The following ABR variants were observed in gnomAD, a reference collection of about 807,000 sequenced individuals.
The protein encoded by ABR is active breakpoint cluster region-related protein.
A neutral mutation model predicts 107.2 loss-of-function variants in ABR; 35 were observed. The ratio of observed to expected loss-of-function variants is 0.33; its 90% CI spans 0.25 to 0.43. The LOEUF (loss-of-function observed/expected upper bound fraction) is 0.43, where lower values mean the gene tolerates loss of function less well. Among genes scored for constraint, ABR ranks in the 20% least tolerant of loss-of-function variants. ABR has a pLI of 1.00. For synonymous variants in ABR, 498 were observed against 462.0 expected (o/e 1.08, Z -1.00); for missense variants, 815 against 1,115.2 (o/e 0.73, Z 3.83).
upstream of ABR, among the ~76,000 whole-genome samples, chr17:1,189,946 G>C (rs2042396272): frequency 6.6e-6 from 1 of 152,188 alleles, no homozygotes; most frequent in Non-Finnish European, 1.5e-5. Flanking sequence ...TGGTCACAAA[G>C]AGCCTGGAAT....
At chr17:1,016,591 C>T (rs2071184496) in intron 16 of ABR, among the ~76,000 whole-genome samples, 1 of 152,030 alleles carries the variant, frequency 6.6e-6, no homozygotes, top group Non-Finnish European at 1.5e-5. Context: ...GCTGGGATTA[C>T]AGGTGTGACC....
rs761017655 is a variant in ABR at position 1,050,486 on chromosome 17, C to T, written c.1659+51G>A. On this transcript the variant is annotated intron_variant, in intron 15 of 22. Coordinates refer to ENST00000302538, the MANE Select transcript of ABR (RefSeq NM_021962.5). This position sits in a 1 kb window ranked among gnomAD's most constrained non-coding sequence, Gnocchi z 4.6. ...CTGGCCGTCCCCAGCAGACAAGCCACGAGCACGGGGTGGTGGGGTCCCCAC... is the reference window on the plus strand; with the variant it reads ...CTGGCCGTCCCCAGCAGACAAGCCATGAGCACGGGGTGGTGGGGTCCCCAC... The T allele has an allele frequency of 1.4e-5, 22 of 1,536,336 alleles. No individual in the cohort carries two copies. The highest frequency in any genetic ancestry group is 9.0e-5 in the East Asian group (4 of 44,466).
At chr17:1,215,219 C>CA (rs71148449) in intron 1 of ABR, among the ~76,000 whole-genome samples, 10 of 135,876 alleles carry the variant, frequency 7.4e-5, no homozygotes, top group East Asian at 4.3e-4. Context: ...GACTCTGTCT[C>CA]AAAAAAAAAA....
intron 21 of ABR, 147 bp from the exon 22 acceptor site, chr17:1,007,459 C>CAGA: frequency 1.1e-6 from 1 of 950,220 alleles, no homozygotes; most frequent in Non-Finnish European, 1.5e-6. Flanking sequence ...GGACCTCCCC[C>CAGA]GGGGGAAGGG....
intron 1 of ABR, among the ~76,000 whole-genome samples, chr17:1,215,475 G>A (rs775660222): frequency 6.6e-5 from 10 of 152,198 alleles, no homozygotes; most frequent in East Asian, 5.8e-4. Context: ...TCCTAGCCGC[G>A]AGTGATCTGC....
At chr17:1,152,632 G>A (rs548748312) in intron 1 of ABR, among the ~76,000 whole-genome samples, 54 of 151,136 alleles carry the variant, frequency 3.6e-4, no homozygotes, top group Non-Finnish European at 7.5e-4. Context: ...TACAACTCCC[G>A]GCACACAACA....
chr17:1,169,620 C>T (rs189146176), intron 1 of ABR, among the ~76,000 whole-genome samples: 178 of 152,226 alleles, frequency 1.2e-3, no homozygotes, highest in African/African-American at 4.2e-3. Context: ...GCTCGAGGGC[C>T]GTCGTGGGTG....
At chr17:1,091,409 C>G (rs2037022221) in intron 4 of ABR, among the ~76,000 whole-genome samples, 1 of 152,150 alleles carries the variant, frequency 6.6e-6, no homozygotes. Context: ...CTCCACCACC[C>G]CTGGAAGGAC....
chr17:1,041,092 C>T (rs919914538), intron 16 of ABR, among the ~76,000 whole-genome samples: 1 of 152,004 alleles, frequency 6.6e-6, no homozygotes, highest in Admixed American at 6.5e-5. Context: ...GCTGATTTTT[C>T]TATTTTTAGT....
At chr17:1,021,777 T>C (rs1295716443) in intron 16 of ABR, among the ~76,000 whole-genome samples, 2 of 145,264 alleles carry the variant, frequency 1.4e-5, no homozygotes, top group East Asian at 4.1e-4. Context: ...GCCACTGCAC[T>C]CCAGCCTGGC....
At chr17:1,048,074 G>A (rs990971551) in intron 16 of ABR, among the ~76,000 whole-genome samples, 12 of 152,118 alleles carry the variant, frequency 7.9e-5, no homozygotes, top group African/African-American at 2.9e-4. Flanking sequence ...TTCCGTGCCT[G>A]TCCCTCTAGC....
At chr17:1,081,140 G>T (rs1013704718) in intron 5 of ABR, among the ~76,000 whole-genome samples, 4 of 152,228 alleles carry the variant, frequency 2.6e-5, no homozygotes, top group Admixed American at 1.3e-4. Flanking sequence ...GGGATCTTGG[G>T]CGGCCTTGGC....
intron 2 of ABR, among the ~76,000 whole-genome samples, chr17:1,117,740 A>T (rs1270448073): frequency 2.7e-3 from 70 of 26,186 alleles, no homozygotes; most frequent in Middle Eastern, 0.026. Flanking sequence ...CCCAGCGTTA[A>T]CCCTGAGCCT....
At chr17:1,172,955 CCCCATCACCTCA>C (rs2041770841) in intron 1 of ABR, among the ~76,000 whole-genome samples, 2 of 143,520 alleles carry the variant, frequency 1.4e-5, no homozygotes, top group Non-Finnish European at 3.0e-5. Context: ...AATCCACCCC[CCCCATCACCTCA>C]GCCCACCCAA....
rs894769372 is a variant in ABR, at chr17:1,200,021, C to T, written c.838+28772G>A. ...CATGTGCCATGTTGGTGTGCTGCAA[C>T]CATAGAGCTCTTTACAAAGTTTTAT... On this transcript the variant is annotated intron_variant, in intron 1 of 22. Transcript: ENST00000574139. The surrounding 1 kb of genome is among the most constrained non-coding windows in gnomAD (Gnocchi z 4.1). Among the ~76,000 whole-genome samples, 1 of 151,366 alleles carries T rather than the reference C, an allele frequency of 6.6e-6. No homozygotes were observed. The highest frequency in any genetic ancestry group is 1.5e-5 in the Non-Finnish European group (1 of 67,932).
At chr17:1,020,695 C>A (rs1395351022) in intron 16 of ABR, among the ~76,000 whole-genome samples, 1 of 152,188 alleles carries the variant, frequency 6.6e-6, no homozygotes, top group Non-Finnish European at 1.5e-5. Context: ...AGTGGCCCCG[C>A]AGCGGGGAGA....
chr17:1,013,406 ACCCT>A (rs1169279128), intron 16 of ABR, among the ~76,000 whole-genome samples: 3 of 151,492 alleles, frequency 2.0e-5, no homozygotes, highest in East Asian at 1.9e-4. Context: ...GGCAGGGCAC[ACCCT>A]GTTACCCGCC....
chr17:1,016,651 C>T (rs1016132164), intron 16 of ABR, among the ~76,000 whole-genome samples: 1 of 152,018 alleles, frequency 6.6e-6, no homozygotes. Flanking sequence ...CTCTGTTCCC[C>T]ACCCAGGAGG....
intron 2 of ABR, among the ~76,000 whole-genome samples, chr17:1,123,910 C>T (rs752023909): frequency 7.0e-4 from 107 of 152,298 alleles, no homozygotes; most frequent in Admixed American, 2.1e-3. Flanking sequence ...GTCTCTAACC[C>T]GCCTCCCGTC....
Sources: allele counts gnomAD v4.1 joint callset (sites outside exome capture counted in the v4.1 genomes callset), GRCh38; gene constraint gnomAD v4.1.1; non-coding constraint Gnocchi (gnomAD v3.1); transcripts MANE v1.5; gene names NCBI Gene and HGNC (gene_info 2026-07-23, HGNC 2026-07-21).